The following COA8 variants were observed in gnomAD, a reference collection of about 807,000 sequenced individuals.
The protein encoded by COA8 is UPF0671 protein C14orf153.
A neutral mutation model predicts 22.0 loss-of-function variants in COA8; 20 were observed. That is an observed-to-expected ratio of 0.91 (90% CI 0.64 to 1.32). COA8 has a LOEUF of 1.32. Ranked by LOEUF, COA8 falls within the 40% of genes most tolerant of loss-of-function variation. COA8 has a pLI of 0.00. For missense variants in COA8, 266 were observed against 230.0 expected (o/e 1.16, Z -1.01); for synonymous variants, 105 against 79.9 (o/e 1.31, Z -1.68).
In COA8 at chr14:103,589,102, C is replaced by G. The variant is rs78266737; in HGVS notation, c.477-1079C>G. Among the ~76,000 whole-genome samples, 795 of 152,288 alleles carry G rather than the reference C, an allele frequency of 5.2e-3. 6 individuals are homozygous for G. The highest frequency in any genetic ancestry group is 9.6e-3 in the Non-Finnish European group (656 of 68,014). On this transcript the variant is annotated intron_variant, in intron 4 of 4. Transcript: ENST00000409074. ...GAAGAGGACCAGCCTTACCCAAGAT[C>G]AGGCCTTAGAGGAGCCTGGCCCCCA...
In COA8 at chr14:103,590,676, T is replaced by G. The variant is rs2076345565; in HGVS notation, c.*390T>G. ...TGAGATCAGGAGTTCAAGATCAGTC[T>G]GGACAACATGGCAAAACCCTGTCTC... On this transcript the variant is annotated 3_prime_UTR_variant, in exon 5 of 5. Coordinates refer to ENST00000409074, the MANE Select transcript of COA8 (RefSeq NM_001370595.2). The G allele has an allele frequency of 6.1e-6, 1 of 164,640 alleles. No individual in the cohort carries two copies. The highest frequency in any genetic ancestry group is 1.8e-4 in the East Asian group (1 of 5,470). 10.2% of individuals were successfully genotyped at this position (164,640 alleles called of 1,614,324 possible). A position where few individuals can be genotyped will look rare whatever the true frequency, so the allele number is the denominator to read the frequency against.
At chr14:103,575,913 G>A (rs986380851) in intron 3 of COA8, among the ~76,000 whole-genome samples, 65 of 152,062 alleles carry the variant, frequency 4.3e-4, no homozygotes, top group Non-Finnish European at 1.2e-4. Flanking sequence ...GTGTTGCCCA[G>A]GCTGGTCTCA....
At chr14:103,587,062 T>C (rs1278602814) in intron 3 of COA8, among the ~76,000 whole-genome samples, 1 of 152,188 alleles carries the variant, frequency 6.6e-6, no homozygotes, top group Non-Finnish European at 1.5e-5. Context: ...TATTCCTAAG[T>C]CTTTTATTAT....
intron 1 of COA8, among the ~76,000 whole-genome samples, chr14:103,564,569 TTC>T (rs2076120575): frequency 3.7e-5 from 5 of 136,276 alleles, no homozygotes; most frequent in African/African-American, 1.1e-4. Context: ...TCATATACAC[TTC>T]TTTTTTTTTT....
chr14:103,563,474 GTGTGTGTT>G (rs2076108808), intron 1 of COA8: 4 of 420,638 alleles, frequency 9.5e-6, no homozygotes, highest in South Asian at 8.5e-5. Flanking sequence ...CGTTGTGTGT[GTGTGTGTT>G]TTGGCTTTGT....
intron 4 of COA8, chr14:103,588,267 G>T: frequency 2.5e-6 from 1 of 394,476 alleles, no homozygotes; most frequent in South Asian, 1.3e-4. Context: ...GGAATCCCAT[G>T]ACTTTGGGAG....
chr14:103,582,798 A>G (rs1007981537), intron 3 of COA8, among the ~76,000 whole-genome samples: 4 of 119,796 alleles, frequency 3.3e-5, no homozygotes, highest in African/African-American at 1.0e-4. Context: ...TCACCCTTTT[A>G]AACTGTATAA....
At position 103,590,183 on chromosome 14, in the gene COA8, A is replaced by G. The variant is rs1382726899; in HGVS notation, c.479A>G (p.Asp160Gly). The change falls in exon 5 of 5, where the codon GAT (aspartate) becomes GGT (glycine). Residue 160 changes from aspartate to glycine, a missense_variant and splice_region_variant. By Grantham distance (94) the Asp-to-Gly change is moderately conservative. Coordinates refer to ENST00000409074, the MANE Select transcript of COA8 (RefSeq NM_001370595.2). ...GTGCATCCTCTGTTTCTCTACAGAG[A>G]TTGGTACAAGCGCAATTTTGCCATC... Reference protein sequence around the residue: ...NFQKHMYYNRDWYKRNFAITF... With the variant: ...NFQKHMYYNRGWYKRNFAITF... 1 of 1,613,898 alleles carries G rather than the reference A, an allele frequency of 6.2e-7. No homozygotes were observed. Among genetic ancestry groups the G allele is most frequent in the Non-Finnish European group, 8.5e-7 (1 of 1,179,848 alleles).
intron 3 of COA8, among the ~76,000 whole-genome samples, chr14:103,578,488 G>A (rs1196608966): frequency 1.3e-5 from 2 of 152,226 alleles, no homozygotes; most frequent in Non-Finnish European, 2.9e-5. Context: ...TTCCTCTAAT[G>A]TATTTCATTC....
intron 3 of COA8, among the ~76,000 whole-genome samples, chr14:103,578,517 G>T (rs2076245149): frequency 6.6e-6 from 1 of 152,176 alleles, no homozygotes; most frequent in Admixed American, 6.5e-5. Context: ...TTTATGCAGT[G>T]GCAGGAAGAG....
In COA8 at chr14:103,571,862, T is replaced by C. The variant is rs111332845; in HGVS notation, c.321+42T>C. ...GATCAGAACGGAAGGGTGCGGTGGC[T>C]CACGCCTGTAATCCCAGCACTTCGG... On this transcript the variant is annotated intron_variant, in intron 2 of 4. Transcript: ENST00000409074. 2,154 of 1,563,296 alleles carry C rather than the reference T, an allele frequency of 1.4e-3. 26 individuals are homozygous for C. In the African/African-American group the frequency reaches 0.024, roughly 17 times the overall value.
chr14:103,588,479 A>AT (rs1380448666), intron 4 of COA8, among the ~76,000 whole-genome samples: 56 of 143,950 alleles, frequency 3.9e-4, no homozygotes, highest in African/African-American at 1.3e-3. Flanking sequence ...GTAATTAAAA[A>AT]AATATATATA....
rs1228346542 is a variant in COA8 at position 103,590,198 on chromosome 14, A to G, written c.494A>G (p.Asn165Ser). ...CTCTACAGAGATTGGTACAAGCGCA[A>G]TTTTGCCATCACCTTCTTCATGGGA... Reference protein sequence around the residue: ...MYYNRDWYKRNFAITFFMGKV... With the variant: ...MYYNRDWYKRSFAITFFMGKV... The change falls in exon 5 of 5, where the codon AAT becomes AGT. Residue 165 changes from asparagine to serine, a missense_variant. Asn to Ser is a conservative substitution (Grantham distance 46). Transcript: ENST00000409074. 7 of 1,613,962 alleles carry G rather than the reference A, an allele frequency of 4.3e-6. No individual in the cohort carries two copies. The East Asian group carries it at 6.7e-5, about 15-fold the overall frequency.
chr14:103,566,009 T>C (rs989460334), intron 1 of COA8, among the ~76,000 whole-genome samples: 1 of 152,240 alleles, frequency 6.6e-6, no homozygotes, highest in Non-Finnish European at 1.5e-5. Flanking sequence ...TTTCTGTGAC[T>C]GGTAGAACCT....
intron 3 of COA8, among the ~76,000 whole-genome samples, chr14:103,578,043 A>T (rs1197458032): frequency 1.3e-5 from 2 of 150,814 alleles, no homozygotes; most frequent in Non-Finnish European, 3.0e-5. Context: ...AAAAAAAAAA[A>T]AAAAGCCAAG....
At chr14:103,564,355 T>C (rs1424345019) in intron 1 of COA8, among the ~76,000 whole-genome samples, 1 of 152,118 alleles carries the variant, frequency 6.6e-6, no homozygotes, top group Non-Finnish European at 1.5e-5. Context: ...GACCAAGTCC[T>C]TGCCTTCTAT....
intron 3 of COA8, among the ~76,000 whole-genome samples, chr14:103,575,741 C>T (rs1017253411): frequency 3.3e-5 from 5 of 152,008 alleles, no homozygotes; most frequent in African/African-American, 1.2e-4. Context: ...ACTCTGTCTC[C>T]CAGGCTGGAA....
intron 1 of COA8, 111 bp downstream of exon 1, chr14:103,563,235 G>C (rs924193271): frequency 2.1e-6 from 3 of 1,405,728 alleles, no homozygotes; most frequent in Non-Finnish European, 2.9e-6. Flanking sequence ...CCTTTGTCCA[G>C]GTGCTCTCGC....
chr14:103,573,100 C>G (rs999333759), intron 2 of COA8, among the ~76,000 whole-genome samples: 2 of 152,024 alleles, frequency 1.3e-5, no homozygotes, highest in Non-Finnish European at 2.9e-5. Context: ...AAATTCTTAA[C>G]AGGATACTTA....
Sources: allele counts gnomAD v4.1 joint callset (sites outside exome capture counted in the v4.1 genomes callset), GRCh38; gene constraint gnomAD v4.1.1; transcripts MANE v1.5; gene names NCBI Gene and HGNC (gene_info 2026-07-23, HGNC 2026-07-21).